Variants in MMP26 observed in about 807,000 individuals in gnomAD.
The protein encoded by MMP26 is matrix metallopeptidase 26.
A neutral mutation model predicts 31.0 loss-of-function variants in MMP26; 33 were observed. The ratio of observed to expected loss-of-function variants is 1.06; its 90% CI spans 0.81 to 1.42. The LOEUF (loss-of-function observed/expected upper bound fraction) is 1.42. MMP26 is among the 40% of genes most tolerant of loss of function. The pLI, the probability that MMP26 is intolerant of heterozygous loss-of-function variation, is 0.00. For synonymous variants in MMP26, 122 were observed against 114.9 expected, an observed-to-expected ratio of 1.06 and a Z score of -0.40; for missense variants, 347 against 316.1, an observed-to-expected ratio of 1.10 and a Z score of -0.74.
At chr11:4,914,746 A>G in intron 2 of MMP26, 2 of 1,613,356 alleles carry the variant, frequency 1.2e-6, no homozygotes, top group East Asian at 2.2e-5. Flanking sequence ...GCGTCACTCG[A>G]TCCCGGATCT....
At chr11:4,749,452 A>T (rs1432475978) in intron 1 of MMP26, among the ~76,000 whole-genome samples, 2 of 152,028 alleles carry the variant, frequency 1.3e-5, no homozygotes, top group Admixed American at 6.6e-5. Flanking sequence ...CTTATAAAAA[A>T]GGAGCCTGAA....
At chr11:4,991,548 C>A in intron 6 of MMP26, 52 bp downstream of exon 6, 1 of 1,598,234 alleles carries the variant, frequency 6.3e-7, no homozygotes, top group Non-Finnish European at 8.5e-7. Context: ...ACCTGGGGTT[C>A]AGTGTTGATG....
chr11:4,762,683 T>A (rs1848582111), intron 1 of MMP26, among the ~76,000 whole-genome samples: 1 of 152,206 alleles, frequency 6.6e-6, no homozygotes, highest in South Asian at 2.1e-4. Context: ...GTAGAACTTA[T>A]ATAAAAATCG....
intron 2 of MMP26, among the ~76,000 whole-genome samples, chr11:4,808,242 G>C (rs554145438): frequency 6.6e-6 from 1 of 152,184 alleles, no homozygotes; most frequent in African/African-American, 2.4e-5. Context: ...TTTGCAGCCA[G>C]TGCTCTTGGT....
At chr11:4,944,826 A>G (rs1401057743) in intron 2 of MMP26, 3 of 151,978 alleles carry the variant, frequency 2.0e-5, no homozygotes, top group Non-Finnish European at 4.4e-5. Context: ...ATATGCCTAT[A>G]TTTGAAATAG....
intron 2 of MMP26, among the ~76,000 whole-genome samples, chr11:4,838,563 C>G (rs752820825): frequency 2.0e-5 from 3 of 151,924 alleles, no homozygotes; most frequent in Non-Finnish European, 2.9e-5. Context: ...AACTCTAATA[C>G]TCACTCGTAG....
At chr11:4,750,516 CTG>C (rs1194142594) in intron 1 of MMP26, among the ~76,000 whole-genome samples, 1 of 151,966 alleles carries the variant, frequency 6.6e-6, no homozygotes, top group African/African-American at 2.4e-5. Flanking sequence ...TATGGAATAA[CTG>C]TAAGTGTCCA....
At chr11:4,900,403 A>G (rs1850783227) in intron 2 of MMP26, among the ~76,000 whole-genome samples, 2 of 152,198 alleles carry the variant, frequency 1.3e-5, no homozygotes, top group South Asian at 4.1e-4. Context: ...CTACTCAAGA[A>G]GTGATGCTAC....
chr11:4,932,194 G>A (rs1851359599), intron 2 of MMP26, among the ~76,000 whole-genome samples: 1 of 152,094 alleles, frequency 6.6e-6, no homozygotes, highest in South Asian at 2.1e-4. Context: ...ATAATTCGCA[G>A]TTTGTGAAAC....
chr11:4,715,801 C>A (rs930376609), intron 1 of MMP26, among the ~76,000 whole-genome samples: 1 of 152,096 alleles, frequency 6.6e-6, no homozygotes, highest in Non-Finnish European at 1.5e-5. Context: ...AATACCCATG[C>A]CTTGGGTGTG....
intron 2 of MMP26, among the ~76,000 whole-genome samples, chr11:4,783,642 G>A (rs1013241920): frequency 1.3e-5 from 2 of 152,118 alleles, no homozygotes; most frequent in Non-Finnish European, 2.9e-5. Context: ...GTGGAATGAT[G>A]TGGTTTGGCT....
Position 4,951,862 on chromosome 11 carries a change from G to T in MMP26, c.-144-36206G>T, listed in dbSNP as rs765807101. ...AGAAAAAGTGCTCTACTGCCTATTT[G>T]TCTGCCCACGATTTAGCAAACTACG... On this transcript the variant is annotated intron_variant, in intron 2 of 7. Coordinates refer to ENST00000380390, the MANE Select transcript of MMP26 (RefSeq NM_021801.5). 3.6e-4 allele frequency among the ~76,000 whole-genome samples: 45 copies of T among 124,726 alleles called. 10 individuals carry two copies. The highest frequency in any genetic ancestry group is 6.3e-4 in the Admixed American group (7 of 11,154). 81.8% of individuals were successfully genotyped at this position (124,726 alleles called of 152,430 possible). A position where few individuals can be genotyped will look rare whatever the true frequency, so the allele number is the denominator to read the frequency against.
chr11:4,906,411 T>C (rs1850889414), intron 2 of MMP26, among the ~76,000 whole-genome samples: 1 of 152,200 alleles, frequency 6.6e-6, no homozygotes, highest in African/African-American at 2.4e-5. Context: ...GTTAAATAAT[T>C]TAAAATCAAA....
At chr11:4,926,987 T>C (rs1463903452) in intron 2 of MMP26, among the ~76,000 whole-genome samples, 1 of 152,204 alleles carries the variant, frequency 6.6e-6, no homozygotes, top group Non-Finnish European at 1.5e-5. Context: ...CAATGGCACT[T>C]ACCTCCAGAT....
intron 2 of MMP26, among the ~76,000 whole-genome samples, chr11:4,771,548 A>G (rs1044764748): frequency 6.6e-6 from 1 of 152,218 alleles, no homozygotes; most frequent in African/African-American, 2.4e-5. Flanking sequence ...TTCCAAGAAT[A>G]ATTTTGTCAA....
intron 2 of MMP26, chr11:4,882,191 G>C (rs762913559): frequency 3.7e-6 from 6 of 1,613,936 alleles, no homozygotes; most frequent in Non-Finnish European, 5.1e-6. Context: ...CAGCTTTAAA[G>C]CTTGCTTCAT....
intron 1 of MMP26, among the ~76,000 whole-genome samples, chr11:4,764,879 G>GACACAC (rs60775849): frequency 6.6e-6 from 1 of 150,376 alleles, no homozygotes; most frequent in Admixed American, 6.6e-5. Context: ...CTCCATCACA[G>GACACAC]ACACACACAC....
chr11:4,918,906 A>G (rs75110976), intron 2 of MMP26, among the ~76,000 whole-genome samples: 2,133 of 152,300 alleles, frequency 0.014, 55 homozygotes, highest in African/African-American at 0.048. Context: ...AATAACTCCT[A>G]TTCTACTAAC....
At chr11:4,716,752 C>G (rs1228701365) in intron 1 of MMP26, among the ~76,000 whole-genome samples, 1 of 141,894 alleles carries the variant, frequency 7.0e-6, no homozygotes, top group African/African-American at 2.7e-5. Context: ...ACCTCCACTT[C>G]CCAGGTTCAA....
Sources: gnomAD v4.1 joint callset for allele counts (sites outside exome capture counted in the v4.1 genomes callset) on GRCh38, gnomAD v4.1.1 for gene constraint, MANE v1.5 for transcripts, NCBI Gene and HGNC (gene_info 2026-07-23, HGNC 2026-07-21) for gene names.